The following ACOT7 variants were observed in gnomAD, a reference collection of about 807,000 sequenced individuals.
ACOT7 encodes the protein cytosolic acyl coenzyme A thioester hydrolase.
ACOT7 carries 12 observed loss-of-function variants against 40.2 expected under a neutral mutation model. The observed-to-expected ratio is 0.30, with a 90% CI of 0.19 to 0.48. The LOEUF is 0.48. ACOT7 is among the 20% of genes least tolerant of loss of function. ACOT7 has a pLI of 0.99. For synonymous variants in ACOT7, 228 were observed against 219.5 expected, an observed-to-expected ratio of 1.04 and a Z score of -0.34; for missense variants, 395 against 530.8, an observed-to-expected ratio of 0.74 and a Z score of 2.51.
Position 6,275,024 on chromosome 1 carries a change from G to C in ACOT7, c.1014+6078C>G, listed in dbSNP as rs941451833. Among the ~76,000 whole-genome samples, 1 of 152,210 alleles carries C rather than the reference G, an allele frequency of 6.6e-6. No individual in the cohort carries two copies. Among genetic ancestry groups the C allele is most frequent in the Non-Finnish European group, 1.5e-5 (1 of 68,028 alleles). Reference sequence around the variant, plus strand: ...TGGGCCTGCTGGCCGTGCGACCCCTGGCGAGTGACTCCCTGCCTGGTGCCC... The same window carrying C: ...TGGGCCTGCTGGCCGTGCGACCCCTCGCGAGTGACTCCCTGCCTGGTGCCC... On this transcript the variant is annotated intron_variant, in intron 8 of 8. Transcript: ENST00000361521. The surrounding 1 kb of genome is among the most constrained non-coding windows in gnomAD (Gnocchi z 5.6).
chr1:6,268,551 G>A (rs1021938831), intron 8 of ACOT7, among the ~76,000 whole-genome samples: 2 of 152,222 alleles, frequency 1.3e-5, no homozygotes, highest in African/African-American at 4.8e-5. Context: ...TGAGGGAGCC[G>A]TCTGGGCTGT....
At chr1:6,377,986 C>T (rs1285015528) in intron 1 of ACOT7, among the ~76,000 whole-genome samples, 12 of 152,134 alleles carry the variant, frequency 7.9e-5, no homozygotes, top group South Asian at 2.1e-4. Context: ...AGGTGAATGG[C>T]GTGAACCTGG....
At chr1:6,374,018 C>CT (rs985505545) in intron 1 of ACOT7, among the ~76,000 whole-genome samples, 16 of 152,198 alleles carry the variant, frequency 1.1e-4, no homozygotes, top group African/African-American at 3.9e-4. Flanking sequence ...TCTCTTTCAC[C>CT]TCCCACCTCT....
chr1:6,291,117 T>C (rs1179331261), intron 7 of ACOT7, among the ~76,000 whole-genome samples: 1 of 152,166 alleles, frequency 6.6e-6, no homozygotes, highest in African/African-American at 2.4e-5. Context: ...AGTTGAGCTT[T>C]AAGGAGACAA....
chr1:6,363,987 C>T (rs1641947269), intron 1 of ACOT7, among the ~76,000 whole-genome samples: 1 of 152,112 alleles, frequency 6.6e-6, no homozygotes, highest in Non-Finnish European at 1.5e-5. Flanking sequence ...GTGGTAGGAT[C>T]ACTTGAGCTG....
In ACOT7 at chr1:6,264,738, G is replaced by A. The variant is rs765578344; in HGVS notation, c.1015-43C>T. 4.1e-5 allele frequency: 66 copies of A among 1,596,188 alleles called. No homozygotes were observed. In the Admixed American group the frequency reaches 1.1e-3, roughly 26 times the overall value. On this transcript the variant is annotated intron_variant, in intron 8 of 8. Coordinates refer to ENST00000361521, the MANE Select transcript of ACOT7 (RefSeq NM_007274.4). ...AGACAGGCAGGTTAGGGTCACTGCA[G>A]AACCAGTGCCGTGGCCTTGTGACCT...
rs182008363 is a variant in ACOT7, at chr1:6,298,702, G to C, written c.713-3722C>G. On this transcript the variant is annotated intron_variant, in intron 6 of 8. Coordinates refer to ENST00000361521, the MANE Select transcript of ACOT7 (RefSeq NM_007274.4). The stretch of plus-strand genomic sequence containing the variant: ...TGGTTTTATGTTGTTATTGGAAATA[G>C]AAGGTGCAGGTTGGCTAAGCCACCA... Among the ~76,000 whole-genome samples the C allele has an allele frequency of 3.9e-5, 6 of 152,360 alleles. No homozygotes were observed. In the South Asian group the frequency reaches 6.2e-4, roughly 16 times the overall value.
At chr1:6,361,315 C>T (rs2148466632) in intron 1 of ACOT7, among the ~76,000 whole-genome samples, 1 of 152,034 alleles carries the variant, frequency 6.6e-6, no homozygotes, top group Admixed American at 6.6e-5. Flanking sequence ...TGGTGGGGGG[C>T]AGGGGCTGGA....
chr1:6,392,732 C>T (rs910704397), intron 1 of ACOT7, among the ~76,000 whole-genome samples: 1 of 152,186 alleles, frequency 6.6e-6, no homozygotes, highest in African/African-American at 2.4e-5. Context: ...AGCTCTGCAA[C>T]CTCCTCCCAC....
chr1:6,344,503 C>T (rs373926167), intron 2 of ACOT7, among the ~76,000 whole-genome samples: 6 of 152,098 alleles, frequency 3.9e-5, no homozygotes, highest in Non-Finnish European at 5.9e-5. Context: ...CAGTGGCTCA[C>T]GCCTGTAATC....
At chr1:6,389,555 C>T (rs964378368) in intron 1 of ACOT7, among the ~76,000 whole-genome samples, 2 of 152,052 alleles carry the variant, frequency 1.3e-5, no homozygotes, top group South Asian at 4.1e-4. Context: ...TAAATTGATG[C>T]AATTAAAAAT....
chr1:6,361,270 C>A (rs1376412149), intron 1 of ACOT7, among the ~76,000 whole-genome samples: 3 of 152,034 alleles, frequency 2.0e-5, no homozygotes, highest in Non-Finnish European at 4.4e-5. Context: ...ATTAAATGTC[C>A]ACAACAGGCA....
chr1:6,328,195 C>T (rs1052002707), intron 4 of ACOT7, among the ~76,000 whole-genome samples: 45 of 152,212 alleles, frequency 3.0e-4, no homozygotes, highest in African/African-American at 9.2e-4. Flanking sequence ...CACCCACTCT[C>T]CAAAGTCCAT....
At chr1:6,270,646 C>T (rs1030075639) in intron 8 of ACOT7, among the ~76,000 whole-genome samples, 3 of 152,196 alleles carry the variant, frequency 2.0e-5, no homozygotes, top group Admixed American at 2.0e-4. Context: ...GGTTTGTTCA[C>T]CTGGAAACAG....
rs1159114780 is a variant in ACOT7 at position 6,358,022 on chromosome 1, A to G, written c.144-8156T>C. Among the ~76,000 whole-genome samples the G allele has an allele frequency of 6.6e-6, 1 of 152,004 alleles. No individual in the cohort carries two copies. Among genetic ancestry groups the G allele is most frequent in the Admixed American group, 6.6e-5 (1 of 15,258 alleles). ...GCTGGGATTACAGGTGCGTGCCACCATGCCTGGCTAATTTTTGTATTTTTT... is the reference window on the plus strand; with the variant it reads ...GCTGGGATTACAGGTGCGTGCCACCGTGCCTGGCTAATTTTTGTATTTTTT... On this transcript the variant is annotated intron_variant, in intron 1 of 8. Coordinates refer to ENST00000361521, the MANE Select transcript of ACOT7 (RefSeq NM_007274.4). The surrounding 1 kb of genome is among the most constrained non-coding windows in gnomAD (Gnocchi z 4.1).
rs1641169286 is a variant in ACOT7, at chr1:6,338,412, T to A, written c.418+1021A>T. Among the ~76,000 whole-genome samples the A allele has an allele frequency of 6.6e-6, 1 of 152,114 alleles. No homozygotes were observed. The highest frequency in any genetic ancestry group is 2.4e-5 in the African/African-American group (1 of 41,442). ...CCCATACACCCCTTCCTGGGCCACATCCTGAGACCAGCATCCAGGGTCCCT... is the reference window on the plus strand; with the variant it reads ...CCCATACACCCCTTCCTGGGCCACAACCTGAGACCAGCATCCAGGGTCCCT... On this transcript the variant is annotated intron_variant, in intron 3 of 8. Coordinates refer to ENST00000361521, the MANE Select transcript of ACOT7 (RefSeq NM_007274.4). The surrounding 1 kb of genome is among the most constrained non-coding windows in gnomAD (Gnocchi z 4.4).
At chr1:6,349,710 G>C in intron 2 of ACOT7, 39 bp downstream of exon 2, 1 of 1,579,796 alleles carries the variant, frequency 6.3e-7, no homozygotes, top group Non-Finnish European at 8.6e-7. Flanking sequence ...ACACTGGTGC[G>C]GCCTCCAGGG....
At chr1:6,387,214 A>G (rs541024577) in intron 1 of ACOT7, among the ~76,000 whole-genome samples, 10 of 152,230 alleles carry the variant, frequency 6.6e-5, no homozygotes, top group Middle Eastern at 3.4e-3. Context: ...AATATTCGAC[A>G]TCACAACTGG....
At chr1:6,319,092 A>G (rs72854394) in intron 5 of ACOT7, among the ~76,000 whole-genome samples, 14,876 of 152,204 alleles carry the variant, frequency 0.098, 1,870 homozygotes, top group African/African-American at 0.29. Context: ...ATCTTGGAGG[A>G]GCTTCAGTCA....
Sources: allele counts gnomAD v4.1 joint callset (sites outside exome capture counted in the v4.1 genomes callset), GRCh38; gene constraint gnomAD v4.1.1; non-coding constraint Gnocchi (gnomAD v3.1); transcripts MANE v1.5; gene names NCBI Gene and HGNC (gene_info 2026-07-23, HGNC 2026-07-21).